EIF3E: variants seen among roughly 807,000 people sequenced by gnomAD.
EIF3E encodes eIF-3 p48.
EIF3E carries 25 observed loss-of-function variants against 59.3 expected under a neutral mutation model. The ratio of observed to expected loss-of-function variants is 0.42; its 90% CI spans 0.31 to 0.59. The LOEUF (loss-of-function observed/expected upper bound fraction) is 0.59. EIF3E is among the 20% of genes least tolerant of loss of function. The pLI is 0.15. For missense variants in EIF3E, 317 were observed against 534.3 expected (o/e 0.59, Z 4.01); for synonymous variants, 176 against 170.2 (o/e 1.03, Z -0.26).
At position 108,242,152 on chromosome 8, in the gene EIF3E, C is replaced by T. The variant is rs868009694; in HGVS notation, c.91-239G>A. 1.5e-4 allele frequency: 201 copies of T among 1,385,616 alleles called. 5 individuals carry two copies. The Middle Eastern group carries it at 0.015, about 103-fold the overall frequency. The allele number at this position is 1,385,616 out of a possible 1,614,324, so 85.8% of individuals were successfully genotyped here. A position where few individuals can be genotyped will look rare whatever the true frequency, so the allele number is the denominator to read the frequency against. ...TGAAGAGAATTACTGTAGACATTCC[C>T]ACCTACTTCTGATTTACATGACCTT... is the stretch of plus-strand genomic sequence containing the variant. On this transcript the variant is annotated intron_variant, in intron 1 of 12. Coordinates refer to ENST00000220849, the MANE Select transcript of EIF3E (RefSeq NM_001568.3).
In EIF3E at chr8:108,228,312, G is replaced by A; in HGVS notation, c.677C>T (p.Pro226Leu). Residue 226 changes from proline to leucine, a missense_variant, in exon 7 of 13, where the codon CCC (proline) becomes CTC (leucine). Around this residue, in one of 4 missense-constraint regions of EIF3E, gnomAD observed 242 missense variants for 398.0 expected, o/e 0.61. Coordinates refer to ENST00000220849, the MANE Select transcript of EIF3E (RefSeq NM_001568.3). ...GTCAATAATATTATCGCGACCTTTG[G>A]GGTGATTGAAGAAAACAAACAGAGA... Reference protein sequence around the residue: ...HWSLFVFFNHPKGRDNIIDLF... With the variant: ...HWSLFVFFNHLKGRDNIIDLF... The A allele has an allele frequency of 6.2e-7, 1 of 1,608,708 alleles. No individual in the cohort carries two copies. The highest frequency in any genetic ancestry group is 8.5e-7 in the Non-Finnish European group (1 of 1,177,204).
chr8:108,230,055 G>A (rs377020043), intron 5 of EIF3E, among the ~76,000 whole-genome samples: 15 of 152,250 alleles, frequency 9.9e-5, no homozygotes, highest in African/African-American at 2.6e-4. Context: ...ACTCTGAACC[G>A]ATCAGATGTG....
At chr8:108,244,229 G>A (rs946937733) in intron 1 of EIF3E, among the ~76,000 whole-genome samples, 6 of 152,126 alleles carry the variant, frequency 3.9e-5, no homozygotes, top group Non-Finnish European at 8.8e-5. Context: ...CTTAATTGGG[G>A]TATAAAGTTA....
chr8:108,206,603 C>CTGT (rs1434220119), intron 10 of EIF3E, among the ~76,000 whole-genome samples: 41 of 148,760 alleles, frequency 2.8e-4, no homozygotes, highest in African/African-American at 9.8e-4. Context: ...CACACACACA[C>CTGT]ACACACACAC....
intron 1 of EIF3E, chr8:108,242,280 C>T (rs1382498237): frequency 7.7e-7 from 1 of 1,291,340 alleles, no homozygotes; most frequent in Admixed American, 2.3e-5. Context: ...ATAGCTGTCA[C>T]TTCTCCACAT....
intron 5 of EIF3E, chr8:108,234,734 G>C: frequency 3.8e-6 from 1 of 260,382 alleles, no homozygotes; most frequent in East Asian, 7.9e-5. Flanking sequence ...ATACGATTCT[G>C]TTAATGCTAA....
At chr8:108,202,371 C>T (rs1457266862) in intron 12 of EIF3E, among the ~76,000 whole-genome samples, 1 of 151,964 alleles carries the variant, frequency 6.6e-6, no homozygotes, top group Non-Finnish European at 1.5e-5. Flanking sequence ...CTCTGCATAT[C>T]CCACAACTGC....
intron 1 of EIF3E, chr8:108,242,270 A>ATAGC: frequency 7.7e-7 from 1 of 1,291,960 alleles, no homozygotes; most frequent in South Asian, 1.2e-5. Context: ...TAAAGCACAT[A>ATAGC]TAGCTGTCAC....
rs1156830075 is a variant in EIF3E, at chr8:108,206,387, A to G, written c.1062-2884T>C. 2.0e-5 allele frequency among the ~76,000 whole-genome samples: 3 copies of G among 152,156 alleles called. No homozygotes were observed. The East Asian group carries it at 5.8e-4, about 29-fold the overall frequency. On this transcript the variant is annotated intron_variant, in intron 10 of 12. Coordinates refer to ENST00000220849, the MANE Select transcript of EIF3E (RefSeq NM_001568.3). ...AAGGACCTATGTATGTGAAATGCAA[A>G]AAGGTCTACCAGTTCTAATCTGGAG... is the stretch of plus-strand genomic sequence containing the variant.
rs761858354 is a variant in EIF3E, at chr8:108,214,625, T to A, written c.1043A>T (p.His348Leu). 2.5e-6 allele frequency: 4 copies of A among 1,607,694 alleles called. No homozygotes were observed. The highest frequency in any genetic ancestry group is 2.5e-6 in the Non-Finnish European group (3 of 1,178,392). Residue 348 changes from histidine to leucine, a missense_variant, in exon 10 of 13, where the codon CAC becomes CTC. This residue lies in a region of EIF3E where 242 missense variants were observed against 398.0 expected (regional missense o/e 0.61). Coordinates refer to ENST00000220849, the MANE Select transcript of EIF3E (RefSeq NM_001568.3). ...TTCTTACTTAATGCTGATACACTGG[T>A]GGATGCGACAGAAAGTCTCAAATAT... ...LFIFETFCRI[H>L]QCISINMLAD...
At chr8:108,209,329 TA>T (rs1412037493) in intron 10 of EIF3E, among the ~76,000 whole-genome samples, 3 of 152,066 alleles carry the variant, frequency 2.0e-5, no homozygotes, top group Non-Finnish European at 4.4e-5. Flanking sequence ...TTTTGGGGCT[TA>T]AAGATATTTC....
intron 7 of EIF3E, chr8:108,221,680 C>T (rs1313890468): frequency 6.6e-6 from 1 of 152,078 alleles, no homozygotes; most frequent in Admixed American, 6.5e-5. Flanking sequence ...CCAGGTATAA[C>T]TGGCATCACT....
intron 10 of EIF3E, among the ~76,000 whole-genome samples, chr8:108,206,717 C>A (rs763682526): frequency 6.6e-6 from 1 of 152,100 alleles, no homozygotes; most frequent in African/African-American, 2.4e-5. Context: ...GTGTGAGTAT[C>A]ATTTGAGCCC....
chr8:108,234,924 A>G, intron 5 of EIF3E, 74 bp downstream of exon 5: 1 of 942,712 alleles, frequency 1.1e-6, no homozygotes, highest in South Asian at 1.9e-5. Context: ...CTATCTATAT[A>G]CATGTTTTGA....
intron 7 of EIF3E, among the ~76,000 whole-genome samples, chr8:108,221,823 C>CACACACAT (rs1318054637): frequency 6.6e-6 from 1 of 152,104 alleles, no homozygotes; most frequent in African/African-American, 2.4e-5. Context: ...CACACACACA[C>CACACACAT]AAAGTGGCTG....
chr8:108,204,780 G>C (rs1446088962), intron 10 of EIF3E, among the ~76,000 whole-genome samples: 8 of 118,030 alleles, frequency 6.8e-5, no homozygotes, highest in Admixed American at 8.3e-5. Flanking sequence ...GAGAGAGAGA[G>C]ACAGAGAGAG....
rs370417713 is a variant in EIF3E at position 108,201,905 on chromosome 8, G to A, written c.1318C>T (p.Gln440Ter). Residue 440 changes from glutamine to a stop codon, truncating the protein, a stop_gained, in exon 13 of 13, where the codon CAA becomes TAA. Coordinates refer to ENST00000220849, the MANE Select transcript of EIF3E (RefSeq NM_001568.3). LOFTEE classifies it high-confidence loss of function. ...GTTCTTCAGTAGAAGCCAGAATCTT[G>A]AGTTGCCCAGTTAGGAGCCTAAAAT... ...SRSEAPNWAT[Q>*]DSGFY 4 of 1,564,504 alleles carry A rather than the reference G, an allele frequency of 2.6e-6. No individual in the cohort carries two copies. The highest frequency in any genetic ancestry group is 2.6e-6 in the Non-Finnish European group (3 of 1,155,758).
intron 10 of EIF3E, among the ~76,000 whole-genome samples, chr8:108,205,122 A>G (rs1372127140): frequency 6.6e-6 from 1 of 152,176 alleles, no homozygotes; most frequent in Non-Finnish European, 1.5e-5. Flanking sequence ...CTCAGCTAAA[A>G]TAAGACCCTC....
chr8:108,223,935 T>C lies in EIF3E; in HGVS notation c.722+4332A>G, dbSNP rs552533261. Among the ~76,000 whole-genome samples the C allele has an allele frequency of 2.6e-5, 4 of 151,372 alleles. 1 individual carries two copies. The highest frequency in any genetic ancestry group is 1.9e-4 in the East Asian group (1 of 5,178). On this transcript the variant is annotated intron_variant, in intron 7 of 12. Coordinates refer to ENST00000220849, the MANE Select transcript of EIF3E (RefSeq NM_001568.3). Reference sequence around the variant, plus strand: ...ACTTTTATATTAAAAATAAAAAGTATGGCCAGGCACGGTGGCTCACACCAG... The same window carrying C: ...ACTTTTATATTAAAAATAAAAAGTACGGCCAGGCACGGTGGCTCACACCAG...
Sources: allele counts gnomAD v4.1 joint callset (sites outside exome capture counted in the v4.1 genomes callset), GRCh38; gene constraint gnomAD v4.1.1; regional missense constraint gnomAD v4.1.1; transcripts MANE v1.5; gene names NCBI Gene and HGNC (gene_info 2026-07-23, HGNC 2026-07-21).